ZNRF1: variants seen among roughly 807,000 people sequenced by gnomAD.
The protein encoded by ZNRF1 is E3 ubiquitin-protein ligase ZNRF1.
ZNRF1 carries 3 observed loss-of-function variants against 18.4 expected under a neutral mutation model. The observed-to-expected ratio is 0.16, with a 90% CI of 0.07 to 0.42. ZNRF1 has a LOEUF of 0.42. Among genes scored for constraint, ZNRF1 ranks in the 10% least tolerant of loss-of-function variants. The probability of loss-of-function intolerance (pLI) is 0.99; values close to 1 mark genes in which losing one functional copy is unlikely to be tolerated. For missense variants in ZNRF1, 310 were observed against 329.8 expected, an observed-to-expected ratio of 0.94 and a Z score of 0.47; for synonymous variants, 157 against 144.2, an observed-to-expected ratio of 1.09 and a Z score of -0.64.
chr16:75,052,272 G>T (rs1044570327), intron 1 of ZNRF1, among the ~76,000 whole-genome samples: 1 of 151,990 alleles, frequency 6.6e-6, no homozygotes, highest in African/African-American at 2.4e-5. Context: ...GTGGTGGCGT[G>T]CACCTGTAGT....
intron 1 of ZNRF1, among the ~76,000 whole-genome samples, chr16:75,043,992 T>C (rs2035483111): frequency 1.3e-5 from 2 of 151,942 alleles, no homozygotes; most frequent in South Asian, 4.2e-4. Flanking sequence ...TTTGTGTTTG[T>C]AGTAGAGACG....
intron 1 of ZNRF1, among the ~76,000 whole-genome samples, chr16:75,062,611 G>A (rs193072957): frequency 6.6e-6 from 1 of 152,228 alleles, no homozygotes; most frequent in African/African-American, 2.4e-5. Context: ...TCTCTTGGCC[G>A]CCTGCGGCAA....
intron 1 of ZNRF1, chr16:75,046,808 C>G (rs2035522115): frequency 6.5e-6 from 1 of 153,884 alleles, no homozygotes; most frequent in Non-Finnish European, 1.5e-5. Context: ...GATCTCCTGA[C>G]CTCATGATCA....
chr16:75,006,259 G>C (rs1169419295), intron 1 of ZNRF1, among the ~76,000 whole-genome samples: 1 of 152,148 alleles, frequency 6.6e-6, no homozygotes, highest in South Asian at 2.1e-4. Flanking sequence ...AATTTTGACA[G>C]CTTCAAAATT....
intron 1 of ZNRF1, among the ~76,000 whole-genome samples, chr16:75,049,810 C>CATATTCAG (rs2035567667): frequency 6.6e-6 from 1 of 150,998 alleles, no homozygotes; most frequent in East Asian, 1.9e-4. Context: ...ATCCATAGAC[C>CATATTCAG]ATATTCAGAT....
intron 1 of ZNRF1, among the ~76,000 whole-genome samples, chr16:75,025,748 G>T (rs561646492): frequency 1.0e-3 from 158 of 152,304 alleles, no homozygotes; most frequent in Non-Finnish European, 1.9e-3. Flanking sequence ...ACTTGTTTCA[G>T]AGTTCACTGT....
At chr16:75,094,075 G>T (rs946815660) in intron 2 of ZNRF1, among the ~76,000 whole-genome samples, 2 of 152,226 alleles carry the variant, frequency 1.3e-5, no homozygotes, top group Non-Finnish European at 2.9e-5. Flanking sequence ...CCCTCCTTGG[G>T]GAGGTGGGGG....
intron 1 of ZNRF1, among the ~76,000 whole-genome samples, chr16:75,077,792 T>C (rs1233450387): frequency 1.3e-5 from 2 of 152,200 alleles, no homozygotes; most frequent in Non-Finnish European, 1.5e-5. Context: ...AGGCCACGCT[T>C]TCCTTGGCTC....
chr16:75,081,964 A>T (rs2145411797), intron 1 of ZNRF1, among the ~76,000 whole-genome samples: 1 of 152,352 alleles, frequency 6.6e-6, no homozygotes, highest in East Asian at 1.9e-4. Flanking sequence ...ACAAGGAGTT[A>T]TAAATCAATA....
chr16:75,069,378 C>A (rs4548901), intron 1 of ZNRF1, among the ~76,000 whole-genome samples: 1 of 152,090 alleles, frequency 6.6e-6, no homozygotes, highest in Admixed American at 6.5e-5. Context: ...CAGGCTTAGT[C>A]TTGGATCTTT....
intron 1 of ZNRF1, among the ~76,000 whole-genome samples, chr16:75,040,470 C>CA (rs1298073349): frequency 6.6e-6 from 1 of 151,930 alleles, no homozygotes; most frequent in Non-Finnish European, 1.5e-5. Context: ...CTCTGCTCCC[C>CA]ACCGGGCAAC....
In ZNRF1 at chr16:74,999,544, C is replaced by T. The variant is rs1290317728; in HGVS notation, c.-128C>T. On this transcript the variant is annotated 5_prime_UTR_variant, in exon 1 of 5. Coordinates refer to ENST00000335325, the MANE Select transcript of ZNRF1 (RefSeq NM_032268.5). ...TCCTTTTTTCCTTTTGCTTTTTTTC[C>T]TTTTCTCCCTCCGGGTCTCCTTTTT... 5.8e-6 allele frequency: 4 copies of T among 685,112 alleles called. No individual in the cohort carries two copies. Among genetic ancestry groups the T allele is most frequent in the Non-Finnish European group, 8.3e-6 (4 of 484,014 alleles). The allele number at this position is 685,112 out of a possible 1,614,324, so 42.4% of individuals were successfully genotyped here.
intron 2 of ZNRF1, among the ~76,000 whole-genome samples, chr16:75,103,522 G>A (rs1024835901): frequency 3.3e-5 from 5 of 152,040 alleles, no homozygotes; most frequent in Admixed American, 1.3e-4. Context: ...GGGGGAAGGG[G>A]AGTGGTGGAT....
At chr16:75,082,115 A>G (rs910780499) in intron 1 of ZNRF1, among the ~76,000 whole-genome samples, 2 of 152,032 alleles carry the variant, frequency 1.3e-5, no homozygotes, top group African/African-American at 4.8e-5. Context: ...CTCCTGACTT[A>G]AAGCAATCCT....
chr16:75,055,269 T>A (rs930008854), intron 1 of ZNRF1, among the ~76,000 whole-genome samples: 2 of 152,214 alleles, frequency 1.3e-5, no homozygotes, highest in African/African-American at 4.8e-5. Context: ...CTAGAACTTA[T>A]TTATTTTTAT....
chr16:75,095,541 C>T, intron 2 of ZNRF1: 1 of 1,453,070 alleles, frequency 6.9e-7, no homozygotes, highest in South Asian at 1.4e-5. Flanking sequence ...TCATGAAGTC[C>T]TCCGTTTGTC....
intron 1 of ZNRF1, among the ~76,000 whole-genome samples, chr16:75,040,357 C>G (rs1333892922): frequency 6.6e-6 from 1 of 151,954 alleles, no homozygotes; most frequent in African/African-American, 2.4e-5. Flanking sequence ...TGGGCTCAAG[C>G]AATCCTCTCA....
chr16:75,004,414 A>G (rs916528321), intron 1 of ZNRF1, among the ~76,000 whole-genome samples: 1 of 152,106 alleles, frequency 6.6e-6, no homozygotes, highest in African/African-American at 2.4e-5. Flanking sequence ...TGTGGGGTAC[A>G]AAACATGCAC....
chr16:75,099,359 C>A (rs1328748164), intron 2 of ZNRF1, among the ~76,000 whole-genome samples: 2 of 152,164 alleles, frequency 1.3e-5, no homozygotes, highest in Non-Finnish European at 2.9e-5. Flanking sequence ...GCCTGGATCC[C>A]AGGGAGGGAG....
Sources: gnomAD v4.1 joint callset for allele counts (sites outside exome capture counted in the v4.1 genomes callset) on GRCh38, gnomAD v4.1.1 for gene constraint, MANE v1.5 for transcripts, NCBI Gene and HGNC (gene_info 2026-07-23, HGNC 2026-07-21) for gene names.